Variants in RPS6KC1 observed in about 807,000 individuals in gnomAD.
The protein encoded by RPS6KC1 is inactive ribosomal protein S6 kinase delta-1.
Under a neutral mutation model 103.8 loss-of-function variants are expected in RPS6KC1, and 54 were observed. That is an observed-to-expected ratio of 0.52 (90% CI 0.42 to 0.65). RPS6KC1 has a LOEUF of 0.65. Among genes scored for constraint, RPS6KC1 ranks in the 30% least tolerant of loss-of-function variants. The pLI, the probability that RPS6KC1 is intolerant of heterozygous loss-of-function variation, is 0.00. For missense variants in RPS6KC1, 1,151 were observed against 1,253.8 expected, an observed-to-expected ratio of 0.92 and a Z score of 1.24; for synonymous variants, 439 against 438.7, an observed-to-expected ratio of 1.00 and a Z score of -0.01.
intron 5 of RPS6KC1, among the ~76,000 whole-genome samples, chr1:213,118,690 C>T (rs999266102): frequency 1.1e-4 from 17 of 151,600 alleles, no homozygotes; most frequent in African/African-American, 3.6e-4. Flanking sequence ...AAGTGGTTAG[C>T]TTTTATTCTT....
the RPS6KC1 span, among the ~76,000 whole-genome samples, chr1:213,400,270 C>T: frequency 6.6e-6 from 1 of 152,006 alleles, no homozygotes; most frequent in Admixed American, 6.5e-5. Context: ...ACTACCCAGC[C>T]ACGAAACCAC....
At chr1:213,366,391 A>G in the RPS6KC1 span, among the ~76,000 whole-genome samples, 5 of 152,218 alleles carry the variant, frequency 3.3e-5, no homozygotes, top group African/African-American at 9.6e-5. Flanking sequence ...TAAGTTGAGT[A>G]TTCCCTTTCT....
At chr1:213,199,489 A>G (rs2359554) in intron 8 of RPS6KC1, among the ~76,000 whole-genome samples, 68,490 of 152,116 alleles carry the variant, frequency 0.45, 19,203 homozygotes, top group Non-Finnish European at 0.62. Flanking sequence ...GTATTGAAGG[A>G]AATACCTCAA....
intron 3 of RPS6KC1, among the ~76,000 whole-genome samples, chr1:213,090,303 T>G (rs943437392): frequency 6.6e-6 from 1 of 152,200 alleles, no homozygotes; most frequent in African/African-American, 2.4e-5. Context: ...TAATTATAAT[T>G]TTCTCTCTTT....
the RPS6KC1 span, among the ~76,000 whole-genome samples, chr1:213,530,032 T>TTTATTATTATTATTA: frequency 4.3e-3 from 636 of 149,126 alleles, 3 homozygotes; most frequent in Middle Eastern, 0.017. Context: ...CTTCACTTCT[T>TTTATTATTATTATTA]TTATTATTAT....
the RPS6KC1 span, among the ~76,000 whole-genome samples, chr1:213,283,709 A>G: frequency 2.4e-4 from 37 of 152,228 alleles, no homozygotes; most frequent in Admixed American, 7.2e-4. Flanking sequence ...GCTGGGCCCT[A>G]TGCTTAGGAG....
chr1:213,498,676 G>C, the RPS6KC1 span, among the ~76,000 whole-genome samples: 1 of 151,894 alleles, frequency 6.6e-6, no homozygotes, highest in Non-Finnish European at 1.5e-5. Flanking sequence ...GGCTGGTCTC[G>C]ATCTTCTGGC....
the RPS6KC1 span, among the ~76,000 whole-genome samples, chr1:213,696,436 A>G: frequency 6.9e-6 from 1 of 144,776 alleles, no homozygotes; most frequent in South Asian, 2.2e-4. Flanking sequence ...CGGGAGGCGG[A>G]GACTGCGGTG....
chr1:213,433,848 C>T, the RPS6KC1 span, among the ~76,000 whole-genome samples: 9 of 152,320 alleles, frequency 5.9e-5, no homozygotes, highest in South Asian at 2.1e-4. Flanking sequence ...TATGGACTTA[C>T]GTCTGTTATC....
chr1:213,113,488 A>G (rs1229335447), intron 4 of RPS6KC1, among the ~76,000 whole-genome samples: 1 of 149,356 alleles, frequency 6.7e-6, no homozygotes, highest in East Asian at 2.0e-4. Context: ...GGTTGCGAAA[A>G]TTTTCTCCCA....
At chr1:213,303,698 TCTC>T in the RPS6KC1 span, among the ~76,000 whole-genome samples, 1 of 152,216 alleles carries the variant, frequency 6.6e-6, no homozygotes, top group South Asian at 2.1e-4. Flanking sequence ...GTGGTTTTCT[TCTC>T]CTCAGGATTT....
the RPS6KC1 span, among the ~76,000 whole-genome samples, chr1:213,312,430 G>A: frequency 2.0e-5 from 3 of 152,162 alleles, no homozygotes; most frequent in Non-Finnish European, 4.4e-5. Context: ...ATTGATCTGA[G>A]AAATTGGCAC....
At chr1:213,716,786 T>G in the RPS6KC1 span, among the ~76,000 whole-genome samples, 1 of 152,306 alleles carries the variant, frequency 6.6e-6, no homozygotes, top group African/African-American at 2.4e-5. Context: ...TTGGATAAAA[T>G]TTTACACTGG....
At chr1:213,622,845 C>T in the RPS6KC1 span, among the ~76,000 whole-genome samples, 2 of 152,118 alleles carry the variant, frequency 1.3e-5, no homozygotes, top group Admixed American at 6.5e-5. Context: ...AACCACAAAC[C>T]ACTAGGGCCT....
At chr1:213,562,896 T>A in the RPS6KC1 span, among the ~76,000 whole-genome samples, 1 of 151,838 alleles carries the variant, frequency 6.6e-6, no homozygotes, top group Non-Finnish European at 1.5e-5. Flanking sequence ...ACTCCTGGCC[T>A]GAAGTGGTCC....
At chr1:213,187,937 C>T (rs2092600949) in intron 8 of RPS6KC1, among the ~76,000 whole-genome samples, 1 of 152,044 alleles carries the variant, frequency 6.6e-6, no homozygotes, top group Non-Finnish European at 1.5e-5. Flanking sequence ...GGGTTGACCT[C>T]AGCTCTGGTA....
the RPS6KC1 span, among the ~76,000 whole-genome samples, chr1:213,479,118 A>G: frequency 6.6e-6 from 1 of 152,108 alleles, no homozygotes; most frequent in African/African-American, 2.4e-5. Flanking sequence ...TATCACCTGA[A>G]TATATCACAC....
chr1:213,733,543 A>AAT, the RPS6KC1 span, among the ~76,000 whole-genome samples: 1 of 92,822 alleles, frequency 1.1e-5, no homozygotes, highest in African/African-American at 4.5e-5. Flanking sequence ...GGCTATTTTT[A>AAT]GTTTGTTTTT....
At chr1:213,693,338 C>T in the RPS6KC1 span, among the ~76,000 whole-genome samples, 1 of 152,180 alleles carries the variant, frequency 6.6e-6, no homozygotes, top group African/African-American at 2.4e-5. Flanking sequence ...CCATGCCATC[C>T]CATGCTGAGC....
Sources: allele counts gnomAD v4.1 joint callset (sites outside exome capture counted in the v4.1 genomes callset), GRCh38; gene constraint gnomAD v4.1.1; transcripts MANE v1.5; gene names NCBI Gene and HGNC (gene_info 2026-07-23, HGNC 2026-07-21).